Variants in TMEM71 observed in about 807,000 individuals in gnomAD.
TMEM71 encodes the protein transmembrane protein 71.
In TMEM71, 44 loss-of-function variants were observed where a neutral mutation model predicts 38.0. That is an observed-to-expected ratio of 1.16 (90% confidence interval 0.91 to 1.49). TMEM71 has a LOEUF of 1.49. Ranked by LOEUF, TMEM71 falls within the 40% of genes most tolerant of loss-of-function variation. The pLI is 0.00. For synonymous variants in TMEM71, 133 were observed against 122.5 expected (o/e 1.09, Z -0.56); for missense variants, 367 against 348.6 (o/e 1.05, Z -0.42).
At chr8:132,767,698 A>G in the TMEM71 span, among the ~76,000 whole-genome samples, 2 of 152,038 alleles carry the variant, frequency 1.3e-5, no homozygotes, top group African/African-American at 4.8e-5. Context: ...GATGGTCTCG[A>G]TCTCCTGACC....
At chr8:132,711,067 C>A in intron 9 of TMEM71, 85 bp from the exon 10 acceptor site, 2 of 1,311,804 alleles carry the variant, frequency 1.5e-6, no homozygotes. Flanking sequence ...TACCCATTTG[C>A]GCATATATAA....
At position 132,758,890 on chromosome 8, in the gene TMEM71, C is replaced by T. The variant is rs1219940351; in HGVS notation, c.-11G>A. ...AGATATTCGGTACATCTTGGGAAGG[C>T]CGCTTGCTCAAACTTCACAGATTCT... On this transcript the variant is annotated 5_prime_UTR_variant, in exon 2 of 10. Coordinates refer to ENST00000677595, the MANE Select transcript of TMEM71 (RefSeq NM_001382403.1). 6.2e-7 allele frequency: 1 copy of T among 1,613,112 alleles called. No homozygotes were observed. Among genetic ancestry groups the T allele is most frequent in the Non-Finnish European group, 8.5e-7 (1 of 1,179,362 alleles).
chr8:132,744,785 TA>T (rs1323330996), intron 5 of TMEM71, among the ~76,000 whole-genome samples: 2 of 151,996 alleles, frequency 1.3e-5, no homozygotes, highest in Non-Finnish European at 2.9e-5. Flanking sequence ...AAATATACCA[TA>T]AGGCAATAGT....
the TMEM71 span, among the ~76,000 whole-genome samples, chr8:132,767,183 T>A: frequency 6.6e-6 from 1 of 152,154 alleles, no homozygotes; most frequent in Non-Finnish European, 1.5e-5. Context: ...CTCTGGAAAG[T>A]AAAAGTATTC....
chr8:132,767,916 T>C, the TMEM71 span, among the ~76,000 whole-genome samples: 1 of 152,194 alleles, frequency 6.6e-6, no homozygotes, highest in Non-Finnish European at 1.5e-5. Context: ...AAAAAGATTA[T>C]GTTGGCGGTA....
intron 2 of TMEM71, 74 bp from the exon 3 acceptor site, chr8:132,757,368 A>AAC: frequency 2.7e-6 from 3 of 1,127,060 alleles, no homozygotes; most frequent in Non-Finnish European, 4.0e-6. Flanking sequence ...TACATGTATC[A>AAC]ATATGTATAA....
the TMEM71 span, among the ~76,000 whole-genome samples, chr8:132,767,115 G>A: frequency 6.6e-6 from 1 of 152,162 alleles, no homozygotes; most frequent in African/African-American, 2.4e-5. Flanking sequence ...CCTTGATAGA[G>A]CTCTAATTCT....
chr8:132,706,372 G>T (rs1057289521), downstream of TMEM71, among the ~76,000 whole-genome samples: 2 of 152,038 alleles, frequency 1.3e-5, no homozygotes, highest in Non-Finnish European at 2.9e-5. Flanking sequence ...TTGAGGGCAG[G>T]CACCATATTT....
chr8:132,715,278 C>T (rs192746713), intron 7 of TMEM71, among the ~76,000 whole-genome samples: 1 of 151,044 alleles, frequency 6.6e-6, no homozygotes, highest in Non-Finnish European at 1.5e-5. Flanking sequence ...GGCGTGGTGG[C>T]GGGCGCCTGT....
downstream of TMEM71, among the ~76,000 whole-genome samples, chr8:132,706,980 C>G (rs1227791066): frequency 2.0e-5 from 3 of 152,146 alleles, no homozygotes; most frequent in Non-Finnish European, 4.4e-5. Context: ...CCTCTGTAAT[C>G]AACTTTCAGT....
At chr8:132,767,408 T>C in the TMEM71 span, among the ~76,000 whole-genome samples, 29 of 152,150 alleles carry the variant, frequency 1.9e-4, no homozygotes, top group Admixed American at 1.6e-3. Context: ...TTTTCATGCA[T>C]TTGATTCCAG....
At chr8:132,745,682 G>A (rs2467971) in intron 5 of TMEM71, among the ~76,000 whole-genome samples, 45,451 of 151,850 alleles carry the variant, frequency 0.3, 6,989 homozygotes, top group Non-Finnish European at 0.33. Flanking sequence ...ATATATCCAA[G>A]AGGAAACAAA....
chr8:132,734,153 TACACACACAC>T (rs35673804), intron 5 of TMEM71, among the ~76,000 whole-genome samples: 1 of 148,790 alleles, frequency 6.7e-6, no homozygotes, highest in Non-Finnish European at 1.5e-5. Context: ...GTTATGTTCT[TACACACACAC>T]ACACACACAC....
intron 2 of TMEM71, 62 bp from the exon 3 acceptor site, chr8:132,757,356 G>T: frequency 2.4e-6 from 3 of 1,241,850 alleles, no homozygotes; most frequent in Non-Finnish European, 3.5e-6. Context: ...TACATATGTT[G>T]ATACATGTAT....
At chr8:132,733,589 T>G (rs1308861038) in intron 5 of TMEM71, among the ~76,000 whole-genome samples, 1 of 152,156 alleles carries the variant, frequency 6.6e-6, no homozygotes, top group Non-Finnish European at 1.5e-5. Flanking sequence ...TTTGGCAGCT[T>G]GACAAAGCAG....
At chr8:132,706,020 C>A (rs1451565432), downstream of TMEM71, among the ~76,000 whole-genome samples, 1 of 152,016 alleles carries the variant, frequency 6.6e-6, no homozygotes, top group Non-Finnish European at 1.5e-5. Context: ...GGGGTTTGTT[C>A]TCTTATAAAA....
At chr8:132,737,541 C>T (rs1346398653) in intron 5 of TMEM71, among the ~76,000 whole-genome samples, 1 of 152,234 alleles carries the variant, frequency 6.6e-6, no homozygotes, top group Non-Finnish European at 1.5e-5. Context: ...AGCACATGCT[C>T]AGACTTTTCT....
At chr8:132,747,404 A>G (rs1310786516) in intron 4 of TMEM71, among the ~76,000 whole-genome samples, 1 of 152,238 alleles carries the variant, frequency 6.6e-6, no homozygotes, top group Non-Finnish European at 1.5e-5. Flanking sequence ...TATGCCTTGC[A>G]TCTTTCTTAG....
At chr8:132,747,222 A>C in intron 4 of TMEM71, 108 bp from the exon 5 acceptor site, 1 of 964,042 alleles carries the variant, frequency 1.0e-6, no homozygotes, top group Non-Finnish European at 1.5e-6. Flanking sequence ...TGCTCACTGC[A>C]TTAATTCTAC....
Sources: gnomAD v4.1 joint callset for allele counts (sites outside exome capture counted in the v4.1 genomes callset) on GRCh38, gnomAD v4.1.1 for gene constraint, MANE v1.5 for transcripts, NCBI Gene and HGNC (gene_info 2026-07-23, HGNC 2026-07-21) for gene names.